Variants in CLVS1 observed in about 807,000 individuals in gnomAD.
CLVS1 encodes the protein clavesin-1.
In CLVS1, 10 loss-of-function variants were observed where a neutral mutation model predicts 33.1. The observed-to-expected ratio is 0.30, with a 90% CI of 0.19 to 0.51. CLVS1 has a LOEUF of 0.51. Ranked by LOEUF, CLVS1 falls within the 20% of genes least tolerant of loss-of-function variation. CLVS1 has a pLI of 0.97. For missense variants in CLVS1, 343 were observed against 433.4 expected (o/e 0.79, Z 1.85); for synonymous variants, 163 against 166.1 (o/e 0.98, Z 0.14).
At chr8:61,130,342 A>G (rs1178595428) in intron 1 of CLVS1, among the ~76,000 whole-genome samples, 1 of 152,116 alleles carries the variant, frequency 6.6e-6, no homozygotes, top group Non-Finnish European at 1.5e-5. Flanking sequence ...CCACAGGTCA[A>G]TATATTCCGT....
At chr8:61,116,690 G>A (rs1434878685) in intron 1 of CLVS1, among the ~76,000 whole-genome samples, 4 of 148,246 alleles carry the variant, frequency 2.7e-5, no homozygotes, top group East Asian at 4.1e-4. Context: ...TAGATATGCG[G>A]CGTTATTTCT....
intron 1 of CLVS1, among the ~76,000 whole-genome samples, chr8:61,103,866 C>G (rs981241380): frequency 1.3e-5 from 2 of 152,170 alleles, no homozygotes; most frequent in African/African-American, 4.8e-5. Flanking sequence ...GGGGTCTATT[C>G]TTGCCTGGAT....
At chr8:61,024,432 T>G in the CLVS1 span, among the ~76,000 whole-genome samples, 1 of 152,206 alleles carries the variant, frequency 6.6e-6, no homozygotes, top group African/African-American at 2.4e-5. Flanking sequence ...CTATCTTGCT[T>G]CAGTAAAGTT....
At chr8:61,491,561 C>A (rs1006286355) in intron 5 of CLVS1, among the ~76,000 whole-genome samples, 1 of 152,124 alleles carries the variant, frequency 6.6e-6, no homozygotes, top group East Asian at 1.9e-4. Context: ...AGATTAAATT[C>A]AAACTTTCTT....
intron 5 of CLVS1, among the ~76,000 whole-genome samples, chr8:61,476,313 GT>G (rs1190506693): frequency 1.3e-5 from 2 of 152,178 alleles, no homozygotes. Flanking sequence ...CTTTAAAGTA[GT>G]TTTTTCCAAT....
At chr8:60,999,904 G>A in the CLVS1 span, among the ~76,000 whole-genome samples, 3 of 152,152 alleles carry the variant, frequency 2.0e-5, no homozygotes, top group African/African-American at 7.2e-5. Context: ...GGTGAAAGCG[G>A]GTAAGAGAAA....
At chr8:61,010,853 T>G in the CLVS1 span, among the ~76,000 whole-genome samples, 2 of 152,236 alleles carry the variant, frequency 1.3e-5, no homozygotes, top group African/African-American at 4.8e-5. Context: ...TCTCTGGGTC[T>G]TTGTTCTGTG....
intron 1 of CLVS1, among the ~76,000 whole-genome samples, chr8:61,290,342 CT>C (rs920020408): frequency 2.0e-5 from 3 of 152,172 alleles, no homozygotes; most frequent in Non-Finnish European, 4.4e-5. Context: ...TTACTTAAAT[CT>C]TTTCTATTGA....
intron 1 of CLVS1, among the ~76,000 whole-genome samples, chr8:61,078,714 G>A (rs1236265787): frequency 6.6e-6 from 1 of 152,186 alleles, no homozygotes; most frequent in African/African-American, 2.4e-5. Flanking sequence ...CAGTGTGGAA[G>A]CCTCAAGGCT....
intron 2 of CLVS1, among the ~76,000 whole-genome samples, chr8:61,146,787 T>A (rs1806427178): frequency 6.6e-6 from 1 of 152,136 alleles, no homozygotes; most frequent in Admixed American, 6.5e-5. Context: ...CTTAACTTTA[T>A]CTGTAGTTTG....
intron 2 of CLVS1, among the ~76,000 whole-genome samples, chr8:61,181,936 C>T (rs1267943877): frequency 4.6e-5 from 7 of 151,908 alleles, no homozygotes; most frequent in Non-Finnish European, 7.4e-5. Flanking sequence ...CTCCTGACCT[C>T]GTGATCCACC....
chr8:61,327,091 A>G (rs966098215), intron 2 of CLVS1, among the ~76,000 whole-genome samples: 5 of 152,186 alleles, frequency 3.3e-5, no homozygotes, highest in African/African-American at 9.6e-5. Context: ...CTGGCCATAT[A>G]TGTCTACATA....
chr8:61,219,490 A>C (rs1489773547), intron 2 of CLVS1, among the ~76,000 whole-genome samples: 1 of 152,156 alleles, frequency 6.6e-6, no homozygotes, highest in East Asian at 1.9e-4. Context: ...ATTCCCTTTT[A>C]CAGCTGCATA....
chr8:61,005,825 C>T, the CLVS1 span, among the ~76,000 whole-genome samples: 3 of 152,180 alleles, frequency 2.0e-5, no homozygotes, highest in African/African-American at 7.2e-5. Flanking sequence ...GAAACAGCCT[C>T]GACTGATTGT....
intron 3 of CLVS1, among the ~76,000 whole-genome samples, chr8:61,431,866 T>C (rs1816127365): frequency 6.6e-6 from 1 of 152,222 alleles, no homozygotes; most frequent in South Asian, 2.1e-4. Flanking sequence ...GTTAATTTGT[T>C]TCTTCACTTA....
At chr8:60,966,832 C>G in the CLVS1 span, among the ~76,000 whole-genome samples, 2 of 152,018 alleles carry the variant, frequency 1.3e-5, no homozygotes, top group African/African-American at 4.8e-5. Flanking sequence ...CGTTTCCAGG[C>G]ACAAATTTCT....
Position 61,059,499 on chromosome 8 carries a change from T to TATATATATATATAC in CLVS1, c.-243+2270_-243+2271insTATATATATATACA, listed in dbSNP as rs1265187479. Among the ~76,000 whole-genome samples the TATATATATATATAC allele has an allele frequency of 2.3e-3, 217 of 96,308 alleles. 1 individual carries two copies. The highest frequency in any genetic ancestry group is 5.7e-3 in the African/African-American group (143 of 24,900). 63.2% of individuals were successfully genotyped at this position (96,308 alleles called of 152,430 possible). ...ACATATATATATATATATATATATA[T>TATATATATATATAC]ACACATATCTTGAAAATAGCACGAG... On this transcript the variant is annotated intron_variant, in intron 1 of 2. Transcript: ENST00000522621.
intron 2 of CLVS1, among the ~76,000 whole-genome samples, chr8:61,372,539 G>T (rs984508737): frequency 1.3e-5 from 2 of 151,600 alleles, no homozygotes; most frequent in Admixed American, 1.3e-4. Flanking sequence ...TTACTGTTAC[G>T]ACTAATGAAC....
Position 61,355,381 on chromosome 8 carries a change from G to T in CLVS1, c.456-21224G>T, listed in dbSNP as rs117067188. 0.012 allele frequency among the ~76,000 whole-genome samples: 1,881 copies of T among 151,936 alleles called. 97 individuals carry two copies. The East Asian group carries it at 0.18, about 15-fold the overall frequency. On this transcript the variant is annotated intron_variant, in intron 2 of 5. Transcript: ENST00000325897. ...AACGAGAAAAACAGAAGCACACAGC[G>T]TGGTGGTTTGTTTTTTACTATGGTC...
Sources: allele counts gnomAD v4.1 joint callset (sites outside exome capture counted in the v4.1 genomes callset), GRCh38; gene constraint gnomAD v4.1.1; transcripts MANE v1.5; gene names NCBI Gene and HGNC (gene_info 2026-07-23, HGNC 2026-07-21).